LRRC37A2: variants seen among roughly 807,000 people sequenced by gnomAD.
LRRC37A2 encodes the protein leucine-rich repeat-containing protein 37A2.
A neutral mutation model predicts 68.8 loss-of-function variants in LRRC37A2; 9 were observed. That is an observed-to-expected ratio of 0.13 (90% CI 0.08 to 0.23). The LOEUF (loss-of-function observed/expected upper bound fraction) is 0.23, where lower values mean the gene tolerates loss of function less well. Ranked by LOEUF, LRRC37A2 falls within the 10% of genes least tolerant of loss-of-function variation. The pLI is 1.00. For missense variants in LRRC37A2, 168 were observed against 950.4 expected, an observed-to-expected ratio of 0.18 and a Z score of 10.82; for synonymous variants, 63 against 367.6, an observed-to-expected ratio of 0.17 and a Z score of 9.48.
the LRRC37A2 span, among the ~76,000 whole-genome samples, chr17:47,003,243 CA>C: frequency 0.041 from 2,985 of 73,226 alleles, 41 homozygotes; most frequent in Middle Eastern, 0.082. Context: ...AATAGAGACT[CA>C]AAAAAAAAAA....
the LRRC37A2 span, among the ~76,000 whole-genome samples, chr17:46,900,202 T>TATATATACACACAC: frequency 4.9e-5 from 5 of 101,170 alleles, no homozygotes; most frequent in African/African-American, 2.5e-4. Flanking sequence ...TATATATATA[T>TATATATACACACAC]ACACACACAC....
At chr17:46,781,931 G>A in the LRRC37A2 span, among the ~76,000 whole-genome samples, 1 of 152,144 alleles carries the variant, frequency 6.6e-6, no homozygotes, top group Non-Finnish European at 1.5e-5. Flanking sequence ...AGAACCCAGG[G>A]CTCACAGTTC....
chr17:46,497,710 G>A, the LRRC37A2 span, among the ~76,000 whole-genome samples: 2 of 146,322 alleles, frequency 1.4e-5, no homozygotes, highest in South Asian at 2.1e-4. Context: ...GTATGTAGAT[G>A]TATATCTACA....
chr17:46,859,878 T>C, the LRRC37A2 span, among the ~76,000 whole-genome samples: 1 of 152,248 alleles, frequency 6.6e-6, no homozygotes, highest in Non-Finnish European at 1.5e-5. Context: ...CAGTGTTTTC[T>C]AGTTTTCAGT....
chr17:46,851,743 C>A, the LRRC37A2 span: 1 of 1,202,108 alleles, frequency 8.3e-7, no homozygotes, highest in South Asian at 3.1e-5. This position sits in a 1 kb window ranked among gnomAD's most constrained non-coding sequence, Gnocchi z 4.3. Context: ...CCCCCGCCCG[C>A]TCCCCGGCCT....
At chr17:46,988,310 T>C in the LRRC37A2 span, among the ~76,000 whole-genome samples, 2 of 152,208 alleles carry the variant, frequency 1.3e-5, no homozygotes, top group South Asian at 2.1e-4. Flanking sequence ...AGATTGGTGG[T>C]TGCTGGGGCT....
chr17:46,993,258 C>A, the LRRC37A2 span, among the ~76,000 whole-genome samples: 208 of 152,344 alleles, frequency 1.4e-3, no homozygotes, highest in African/African-American at 4.6e-3. Context: ...ATGTGTGCAG[C>A]ATGCCTTCAG....
the LRRC37A2 span, among the ~76,000 whole-genome samples, chr17:46,823,993 C>G: frequency 6.6e-6 from 1 of 152,190 alleles, no homozygotes; most frequent in African/African-American, 2.4e-5. Flanking sequence ...GAGTAAGCCT[C>G]TCTCTCAGGT....
chr17:46,721,941 G>T, the LRRC37A2 span: 1 of 1,600,024 alleles, frequency 6.2e-7, no homozygotes, highest in Non-Finnish European at 8.6e-7. Context: ...AGCCGGACTT[G>T]GATTTTCTGG....
At chr17:46,529,449 C>G in intron 6 of LRRC37A2, among the ~76,000 whole-genome samples, 1 of 107,194 alleles carries the variant, frequency 9.3e-6, no homozygotes, top group Admixed American at 1.0e-4. Context: ...GTCAGTGCAC[C>G]TTAGTTTAAT....
At chr17:46,736,658 G>A in the LRRC37A2 span, among the ~76,000 whole-genome samples, 2 of 152,166 alleles carry the variant, frequency 1.3e-5, no homozygotes, top group African/African-American at 4.8e-5. Flanking sequence ...TAACTTAGCA[G>A]TATAACTGTC....
the LRRC37A2 span, among the ~76,000 whole-genome samples, chr17:46,463,833 T>C: frequency 1.3e-5 from 1 of 79,706 alleles, no homozygotes; most frequent in Non-Finnish European, 2.9e-5. Flanking sequence ...TAGATCGACA[T>C]GAATAACACT....
At chr17:46,906,111 A>C in the LRRC37A2 span, among the ~76,000 whole-genome samples, 1 of 151,976 alleles carries the variant, frequency 6.6e-6, no homozygotes, top group African/African-American at 2.4e-5. Flanking sequence ...AGCAGTGAGG[A>C]GCAGCTCACT....
the LRRC37A2 span, among the ~76,000 whole-genome samples, chr17:46,723,628 A>G: frequency 6.6e-6 from 1 of 151,944 alleles, no homozygotes; most frequent in East Asian, 1.9e-4. Flanking sequence ...AACCAGCTTC[A>G]CCTCTGTGTT....
At chr17:46,821,419 C>T in the LRRC37A2 span, among the ~76,000 whole-genome samples, 2 of 152,204 alleles carry the variant, frequency 1.3e-5, no homozygotes, top group Admixed American at 1.3e-4. Context: ...CGGGTGGAAA[C>T]GCAGGAATGG....
the LRRC37A2 span, among the ~76,000 whole-genome samples, chr17:46,893,115 G>T: frequency 1.3e-5 from 2 of 152,054 alleles, no homozygotes; most frequent in Admixed American, 6.6e-5. Context: ...TGTATTGTTA[G>T]TAGAGTTGGG....
the LRRC37A2 span, among the ~76,000 whole-genome samples, chr17:46,979,839 A>G: frequency 2.7e-5 from 4 of 150,302 alleles, no homozygotes; most frequent in South Asian, 4.2e-4. Flanking sequence ...CTAGTTTAGA[A>G]AACATGAATT....
the LRRC37A2 span, among the ~76,000 whole-genome samples, chr17:46,974,245 G>A: frequency 6.6e-6 from 1 of 152,228 alleles, no homozygotes; most frequent in Non-Finnish European, 1.5e-5. Flanking sequence ...CGCTGGCCAG[G>A]GCCAGACGCT....
At chr17:46,756,137 C>G in the LRRC37A2 span, 34 of 266,654 alleles carry the variant, frequency 1.3e-4, no homozygotes, top group East Asian at 2.1e-3. Context: ...ACGTTTCAAC[C>G]TCTCTACTAG....
Sources: gnomAD v4.1 joint callset for allele counts (sites outside exome capture counted in the v4.1 genomes callset) on GRCh38, gnomAD v4.1.1 for gene constraint, Gnocchi (gnomAD v3.1) non-coding constraint, MANE v1.5 for transcripts, NCBI Gene and HGNC (gene_info 2026-07-23, HGNC 2026-07-21) for gene names.